The following RBFOX1 variants were observed in gnomAD, a reference collection of about 807,000 sequenced individuals.
RBFOX1 encodes the protein RNA binding protein fox-1 homolog 1.
In RBFOX1, 8 loss-of-function variants were observed where a neutral mutation model predicts 57.7. The ratio of observed to expected loss-of-function variants is 0.14; its 90% confidence interval spans 0.08 to 0.25. The LOEUF is 0.25. RBFOX1 is among the 10% of genes least tolerant of loss of function. The probability of loss-of-function intolerance (pLI) is 1.00; values close to 1 mark genes in which losing one functional copy is unlikely to be tolerated. For missense variants in RBFOX1, 611 were observed against 548.5 expected, an observed-to-expected ratio of 1.11 and a Z score of -1.14; for synonymous variants, 326 against 222.4, an observed-to-expected ratio of 1.47 and a Z score of -4.15.
chr16:6,829,272 G>T (rs116299499), intron 3 of RBFOX1, among the ~76,000 whole-genome samples: 3,292 of 150,838 alleles, frequency 0.022, 120 homozygotes, highest in African/African-American at 0.076. Flanking sequence ...AGCATAAAAG[G>T]AGAAATCTGA....
intron 1 of RBFOX1, among the ~76,000 whole-genome samples, chr16:6,060,122 G>GTTTTTTGTTTTTTTTT (rs1567355465): frequency 9.6e-5 from 11 of 114,208 alleles, no homozygotes; most frequent in East Asian, 5.3e-4. Context: ...TAGGATTAGG[G>GTTTTTTGTTTTTTTTT]TTTTTTTTTT....
At chr16:6,032,923 G>A (rs1412560504) in intron 1 of RBFOX1, among the ~76,000 whole-genome samples, 1 of 150,426 alleles carries the variant, frequency 6.6e-6, no homozygotes, top group Non-Finnish European at 1.5e-5. Context: ...CATTGTTCAG[G>A]TGCCAATAAT....
At chr16:5,747,985 C>T (rs1318113883) in intron 3 of RBFOX1, among the ~76,000 whole-genome samples, 7 of 152,140 alleles carry the variant, frequency 4.6e-5, no homozygotes, top group Admixed American at 2.6e-4. Flanking sequence ...AATTTTAGAT[C>T]TTTCCTGCTT....
chr16:7,380,539 C>T (rs960455057), intron 4 of RBFOX1, among the ~76,000 whole-genome samples: 4 of 152,144 alleles, frequency 2.6e-5, no homozygotes, highest in Non-Finnish European at 4.4e-5. Context: ...TTTAAACAAC[C>T]AGTTTCCCTA....
intron 3 of RBFOX1, among the ~76,000 whole-genome samples, chr16:6,745,796 A>G (rs1246466264): frequency 6.6e-6 from 1 of 152,214 alleles, no homozygotes; most frequent in African/African-American, 2.4e-5. Context: ...ATAATGAGCA[A>G]GAAAAGGAGG....
intron 4 of RBFOX1, among the ~76,000 whole-genome samples, chr16:5,942,073 C>A (rs1258538949): frequency 1.3e-5 from 2 of 152,066 alleles, no homozygotes; most frequent in African/African-American, 4.8e-5. Flanking sequence ...TATCCTAGAC[C>A]AGCCTGTAAC....
chr16:7,339,814 A>G (rs2096859225), intron 4 of RBFOX1, among the ~76,000 whole-genome samples: 1 of 152,146 alleles, frequency 6.6e-6, no homozygotes, highest in Non-Finnish European at 1.5e-5. Context: ...AGGGGGAAAA[A>G]AAGCATCTAG....
At chr16:6,349,834 A>G (rs1247352566) in intron 2 of RBFOX1, among the ~76,000 whole-genome samples, 1 of 152,156 alleles carries the variant, frequency 6.6e-6, no homozygotes, top group African/African-American at 2.4e-5. Flanking sequence ...TTAATAAGAT[A>G]TCCAACTCCA....
chr16:7,513,081 G>A (rs993765018), intron 4 of RBFOX1, among the ~76,000 whole-genome samples: 1 of 121,250 alleles, frequency 8.2e-6, no homozygotes, highest in Admixed American at 8.1e-5. Flanking sequence ...CTGGCCAACA[G>A]TAAAACGCCG....
chr16:5,972,980 G>A (rs1292548621), intron 4 of RBFOX1, among the ~76,000 whole-genome samples: 1 of 152,288 alleles, frequency 6.6e-6, no homozygotes, highest in East Asian at 1.9e-4. Context: ...TATAGCTACA[G>A]AAAGTGTGAG....
At chr16:5,910,726 G>A (rs537361583) in intron 4 of RBFOX1, among the ~76,000 whole-genome samples, 4 of 152,210 alleles carry the variant, frequency 2.6e-5, no homozygotes, top group East Asian at 1.9e-4. Flanking sequence ...CCCATCAACC[G>A]AACTTCAAGC....
rs531764781 is a variant in RBFOX1, at chr16:7,194,756, C to T, written c.27+142658C>T. Among the ~76,000 whole-genome samples the T allele has an allele frequency of 1.2e-3, 169 of 145,490 alleles. 1 individual carries two copies. The highest frequency in any genetic ancestry group is 4.2e-3 in the African/African-American group (162 of 39,004). On this transcript the variant is annotated intron_variant, in intron 4 of 15. Coordinates refer to ENST00000550418, the MANE Select transcript of RBFOX1 (RefSeq NM_018723.4). ...CAGCCTGGGGAATATAGTCAAACCT[C>T]ATCTCTACAAAAACTACAAAAATTA...
intron 1 of RBFOX1, among the ~76,000 whole-genome samples, chr16:6,262,384 T>G (rs1189022362): frequency 1.3e-5 from 2 of 152,088 alleles, no homozygotes; most frequent in African/African-American, 2.4e-5. Context: ...GTAGTAGATA[T>G]TATGGCGGTG....
At chr16:6,198,005 G>A (rs560207381) in intron 1 of RBFOX1, among the ~76,000 whole-genome samples, 1 of 152,262 alleles carries the variant, frequency 6.6e-6, no homozygotes, top group East Asian at 1.9e-4. Flanking sequence ...TAACACATTG[G>A]ACCAAAAGGT....
At chr16:7,552,828 T>G (rs903006975) in intron 5 of RBFOX1, among the ~76,000 whole-genome samples, 1 of 152,030 alleles carries the variant, frequency 6.6e-6, no homozygotes, top group African/African-American at 2.4e-5. Context: ...GATTACAGTT[T>G]CCTGCCACAA....
At chr16:5,785,471 T>A (rs1239461801) in intron 3 of RBFOX1, among the ~76,000 whole-genome samples, 4 of 152,180 alleles carry the variant, frequency 2.6e-5, no homozygotes, top group Non-Finnish European at 5.9e-5. Context: ...CTTCTGTATA[T>A]TATCAGGGTC....
chr16:6,018,439 G>A (rs1277386971), upstream of RBFOX1, among the ~76,000 whole-genome samples: 5 of 152,174 alleles, frequency 3.3e-5, no homozygotes, highest in African/African-American at 4.8e-5. Flanking sequence ...GTATTAAGGC[G>A]TCATGGGGCT....
Position 6,699,772 on chromosome 16 carries a change from C to T in RBFOX1, c.-16+45122C>T, listed in dbSNP as rs187936707. Among the ~76,000 whole-genome samples the T allele has an allele frequency of 6.6e-5, 10 of 152,146 alleles. No homozygotes were observed. In the East Asian group the frequency reaches 1.4e-3, roughly 21 times the overall value. On this transcript the variant is annotated intron_variant, in intron 3 of 15. Transcript: ENST00000550418. ...TTATGATCAAGGTGGGATAATGAGG[C>T]ATAAGGACATGAACACATGCAGGCA...
chr16:6,582,490 C>G (rs1233139390), intron 2 of RBFOX1, among the ~76,000 whole-genome samples: 1 of 148,190 alleles, frequency 6.7e-6, no homozygotes. Flanking sequence ...TTTAGATGCC[C>G]TTGGACCTCA....
Sources: gnomAD v4.1 joint callset for allele counts (sites outside exome capture counted in the v4.1 genomes callset) on GRCh38, gnomAD v4.1.1 for gene constraint, MANE v1.5 for transcripts, NCBI Gene and HGNC (gene_info 2026-07-23, HGNC 2026-07-21) for gene names.